The following LMF1 variants were observed in gnomAD, a reference collection of about 807,000 sequenced individuals.
LMF1 encodes transmembrane protein 112.
LMF1 carries 68 observed loss-of-function variants against 60.6 expected under a neutral mutation model. The ratio of observed to expected loss-of-function variants is 1.12; its 90% CI spans 0.92 to 1.37. The LOEUF (loss-of-function observed/expected upper bound fraction) is 1.37, where lower values mean the gene tolerates loss of function less well. Ranked by LOEUF, LMF1 falls within the 40% of genes most tolerant of loss-of-function variation. The pLI is 0.00. For synonymous variants in LMF1, 418 were observed against 324.7 expected, an observed-to-expected ratio of 1.29 and a Z score of -3.09; for missense variants, 948 against 767.2, an observed-to-expected ratio of 1.24 and a Z score of -2.78.
chr16:909,319 GAA>G (rs1250819310), intron 4 of LMF1, among the ~76,000 whole-genome samples: 1 of 152,138 alleles, frequency 6.6e-6, no homozygotes, highest in Non-Finnish European at 1.5e-5. Flanking sequence ...GAGATGGAAA[GAA>G]GAGCTATGCC....
intron 1 of LMF1, among the ~76,000 whole-genome samples, chr16:969,391 T>C (rs575378172): frequency 6.6e-6 from 1 of 152,322 alleles, no homozygotes; most frequent in South Asian, 2.1e-4. Flanking sequence ...TTGAAGCCGA[T>C]ACTGCAATCC....
intron 1 of LMF1, among the ~76,000 whole-genome samples, chr16:963,771 T>G (rs2072865361): frequency 6.6e-6 from 1 of 152,050 alleles, no homozygotes; most frequent in Non-Finnish European, 1.5e-5. Context: ...CCTAAATCAG[T>G]AATTCTAAGG....
intron 5 of LMF1, among the ~76,000 whole-genome samples, chr16:882,246 G>T (rs1411619235): frequency 6.6e-6 from 1 of 152,270 alleles, no homozygotes; most frequent in Non-Finnish European, 1.5e-5. Context: ...GTTAAAAAGA[G>T]AAGAGCATCA....
At chr16:871,912 T>C (rs1464541170) in intron 6 of LMF1, 1 of 152,736 alleles carries the variant, frequency 6.5e-6, no homozygotes, top group African/African-American at 2.4e-5. Context: ...AGGGGCTGCA[T>C]GCAGGGCTGG....
intron 3 of LMF1, among the ~76,000 whole-genome samples, chr16:932,717 C>T (rs550259600): frequency 2.6e-5 from 4 of 152,268 alleles, no homozygotes; most frequent in South Asian, 4.1e-4. Context: ...ACTGCACCCA[C>T]CCTGTTGTAA....
intron 1 of LMF1, among the ~76,000 whole-genome samples, chr16:958,982 C>T (rs932278057): frequency 2.6e-5 from 4 of 152,106 alleles, no homozygotes; most frequent in African/African-American, 9.7e-5. Context: ...CTCGCTGTGC[C>T]GGGGATGCTG....
chr16:870,469 G>C (rs1451138073), intron 8 of LMF1, among the ~76,000 whole-genome samples: 1 of 152,198 alleles, frequency 6.6e-6, no homozygotes, highest in Non-Finnish European at 1.5e-5. Flanking sequence ...TACGCCCCCA[G>C]TAGGCATTCC....
At chr16:932,903 A>G (rs1450343959) in intron 3 of LMF1, among the ~76,000 whole-genome samples, 1 of 151,270 alleles carries the variant, frequency 6.6e-6, no homozygotes, top group Non-Finnish European at 1.5e-5. Context: ...ACGCGTGAGC[A>G]CTCTAGGGGA....
intron 10 of LMF1, chr16:855,073 TC>T: frequency 5.8e-6 from 2 of 342,364 alleles, no homozygotes; most frequent in East Asian, 6.5e-5. Flanking sequence ...GCCCCAAGTG[TC>T]CCCCGCCTGG....
rs529082595 is a variant in LMF1, at chr16:876,590, G to A, written c.897+2980C>T. Among the ~76,000 whole-genome samples, 19 of 152,250 alleles carry A rather than the reference G, an allele frequency of 1.2e-4. 1 individual carries two copies. Among genetic ancestry groups the A allele is most frequent in the African/African-American group, 3.4e-4 (14 of 41,540 alleles). On this transcript the variant is annotated intron_variant, in intron 6 of 10. Coordinates refer to ENST00000262301, the MANE Select transcript of LMF1 (RefSeq NM_022773.4). ...TTTGTAGTCTCTGCACAGTTTTTCC[G>A]AAAATCTAAAAGTGTTCTAAAATAA... is the stretch of plus-strand genomic sequence containing the variant.
rs1251709794 is a variant in LMF1 at position 859,963 on chromosome 16, GTACC to G, written c.1530-5261_1530-5258del. Among the ~76,000 whole-genome samples, 19 of 122,774 alleles carry G rather than the reference GTACC, an allele frequency of 1.5e-4. 1 individual carries two copies. The highest frequency in any genetic ancestry group is 9.4e-4 in the African/African-American group (17 of 18,144). 80.5% of individuals were successfully genotyped at this position (122,774 alleles called of 152,430 possible). ...GTCACGGGATGGGTGTGCAGTGATG[GTACC>G]GGATGGGTGTGCAGTGGTGTTATGG... On this transcript the variant is annotated intron_variant, in intron 10 of 10. Transcript: ENST00000262301.
chr16:902,664 G>T (rs2070849344), intron 4 of LMF1: 2 of 150,392 alleles, frequency 1.3e-5, no homozygotes, highest in South Asian at 1.5e-4. Flanking sequence ...CTGCTGTGTG[G>T]GGTGACCTCT....
intron 2 of LMF1, among the ~76,000 whole-genome samples, chr16:938,960 A>G (rs891595163): frequency 9.2e-5 from 14 of 152,382 alleles, no homozygotes; most frequent in African/African-American, 3.4e-4. Context: ...AAACCTGTGC[A>G]GAAAGCAAAG....
chr16:936,474 A>AT (rs1221100497), intron 2 of LMF1, among the ~76,000 whole-genome samples: 1 of 117,748 alleles, frequency 8.5e-6, no homozygotes, highest in African/African-American at 3.3e-5. Flanking sequence ...CCGTGGGCTG[A>AT]GGAAGGTGGC....
intron 3 of LMF1, among the ~76,000 whole-genome samples, chr16:928,201 C>T (rs1424069040): frequency 2.0e-5 from 3 of 152,136 alleles, no homozygotes; most frequent in Non-Finnish European, 4.4e-5. Context: ...CGTGGATGGG[C>T]CCCCCCAGCC....
chr16:964,587 TGGCCCG>T (rs2072885823), intron 1 of LMF1, among the ~76,000 whole-genome samples: 3 of 152,184 alleles, frequency 2.0e-5, no homozygotes, highest in Non-Finnish European at 4.4e-5. Flanking sequence ...AGAACTCAAG[TGGCCCG>T]GAGAAAAGAA....
intron 2 of LMF1, among the ~76,000 whole-genome samples, chr16:951,801 T>C (rs3852756): frequency 0.48 from 72,651 of 152,030 alleles, 19,058 homozygotes; most frequent in African/African-American, 0.7. Context: ...CAAGAGCATG[T>C]GGTGAAGGGA....
At chr16:969,642 C>T (rs899160116) in intron 1 of LMF1, among the ~76,000 whole-genome samples, 1 of 152,252 alleles carries the variant, frequency 6.6e-6, no homozygotes, top group Admixed American at 6.5e-5. Context: ...CCAATGCCCA[C>T]GGCCTACAAC....
chr16:908,327 C>T (rs898560753), intron 4 of LMF1, among the ~76,000 whole-genome samples: 11 of 152,210 alleles, frequency 7.2e-5, no homozygotes, highest in East Asian at 3.8e-4. Flanking sequence ...CTTTCCTGCG[C>T]GATCTGGATG....
Sources: allele counts gnomAD v4.1 joint callset (sites outside exome capture counted in the v4.1 genomes callset), GRCh38; gene constraint gnomAD v4.1.1; transcripts MANE v1.5; gene names NCBI Gene and HGNC (gene_info 2026-07-23, HGNC 2026-07-21).